Variants in TBX19 observed in about 807,000 individuals in gnomAD.
TBX19 encodes T-box transcription factor TBX19.
A neutral mutation model predicts 40.9 loss-of-function variants in TBX19; 33 were observed. The ratio of observed to expected loss-of-function variants is 0.81; its 90% confidence interval spans 0.61 to 1.08. The LOEUF (loss-of-function observed/expected upper bound fraction) is 1.08, where lower values mean the gene tolerates loss of function less well. Ranked by LOEUF, TBX19 falls within the 50% of genes least tolerant of loss-of-function variation. TBX19 has a pLI of 0.00. For missense variants in TBX19, 494 were observed against 574.0 expected, an observed-to-expected ratio of 0.86 and a Z score of 1.42; for synonymous variants, 220 against 225.0, an observed-to-expected ratio of 0.98 and a Z score of 0.20.
Position 168,312,780 on chromosome 1 carries a change from C to G in TBX19, c.1125C>G (p.Ala375=), listed in dbSNP as rs1375371212. The G allele has an allele frequency of 6.2e-7, 1 of 1,614,138 alleles. No homozygotes were observed. Residue 375 remains alanine, a synonymous_variant, in exon 8 of 8, where the codon GCC becomes GCG. Transcript: ENST00000367821. ...GTGGGCCAGGCCCGGAGGTGCACGC[C>G]AGCACCCCAGGAGCATTTCTCCTCG... ...GPSGPGPEVH[A]STPGAFLLGN...
Position 168,288,986 on chromosome 1 carries a change from C to T in TBX19, c.204-2174C>T, listed in dbSNP as rs903652744. ...ATGTTGCCCAGGCTGGACTTAAACT[C>T]CTTTGGTACTTTTTAACTTTAGTAT... On this transcript the variant is annotated intron_variant, in intron 1 of 7. Transcript: ENST00000367821. Among the ~76,000 whole-genome samples, 6 of 152,112 alleles carry T rather than the reference C, an allele frequency of 3.9e-5. No homozygotes were observed. In the East Asian group the frequency reaches 1.2e-3, roughly 29 times the overall value.
At chr1:168,291,487 A>G (rs76187324) in intron 2 of TBX19, 63 bp downstream of exon 2, 31,835 of 1,611,244 alleles carry the variant, frequency 0.02, 383 homozygotes, top group Middle Eastern at 0.032. Flanking sequence ...CAATCAAGAA[A>G]TATCAAGGGT....
Position 168,291,160 on chromosome 1 carries a change from A to T in TBX19, c.204A>T (p.Arg68Ser). The T allele has an allele frequency of 6.2e-7, 1 of 1,614,044 alleles. No homozygotes were observed. Among genetic ancestry groups the T allele is most frequent in the African/African-American group, 1.3e-5 (1 of 75,022 alleles). ...GCTAAGTTTCTGCCTTTCCTTTTAG[A>T]CGGATGTTTCCAGTCCTAAAGATTA... Reference protein sequence around the residue: ...TNEMIVTKNGRRMFPVLKISV... With the variant: ...TNEMIVTKNGSRMFPVLKISV... The change falls in exon 2 of 8, where the codon AGA becomes AGT. Residue 68 changes from arginine to serine, a missense_variant and splice_region_variant. Transcript: ENST00000367821.
chr1:168,285,667 C>G (rs1469656650), intron 1 of TBX19, among the ~76,000 whole-genome samples: 1 of 152,236 alleles, frequency 6.6e-6, no homozygotes, highest in East Asian at 1.9e-4. Flanking sequence ...GAGGCTTTCT[C>G]TCCAGGGTGG....
intron 1 of TBX19, among the ~76,000 whole-genome samples, chr1:168,284,875 A>G (rs1240023541): frequency 6.6e-6 from 1 of 152,062 alleles, no homozygotes; most frequent in African/African-American, 2.4e-5. Flanking sequence ...ATCATAAAAT[A>G]AGAGGTGGGA....
chr1:168,291,459 C>G (rs369885928), intron 2 of TBX19, 35 bp downstream of exon 2: 40 of 1,613,730 alleles, frequency 2.5e-5, no homozygotes, highest in South Asian at 8.8e-5. Context: ...GCCACCCGCT[C>G]CGGCCTCCCC....
Position 168,297,837 on chromosome 1 carries a change from C to G in TBX19, c.665+52C>G, listed in dbSNP as rs746443767. On this transcript the variant is annotated intron_variant, in intron 4 of 7. Coordinates refer to ENST00000367821, the MANE Select transcript of TBX19 (RefSeq NM_005149.3). ...TTCTAATGAATGATTTATGCAAATA[C>G]AAATGTGGAATTTATGATTATCTTG... The G allele has an allele frequency of 6.3e-6, 9 of 1,435,008 alleles. No individual in the cohort carries two copies. In the South Asian group the frequency reaches 1.0e-4, roughly 17 times the overall value. 88.9% of individuals were successfully genotyped at this position (1,435,008 alleles called of 1,614,324 possible). A position where few individuals can be genotyped will look rare whatever the true frequency, so the allele number is the denominator to read the frequency against.
At chr1:168,305,349 ATTG>A (rs1206879273) in intron 6 of TBX19, among the ~76,000 whole-genome samples, 153 bp downstream of exon 6, 3 of 152,134 alleles carry the variant, frequency 2.0e-5, no homozygotes, top group African/African-American at 7.2e-5. Flanking sequence ...GTTTTATTTT[ATTG>A]TTATTTTATG....
intron 1 of TBX19, among the ~76,000 whole-genome samples, chr1:168,284,705 G>A (rs149063667): frequency 2.7e-4 from 40 of 149,188 alleles, no homozygotes; most frequent in African/African-American, 1.0e-3. Context: ...ACCCTGGGGA[G>A]GTCAAGGTTG....
chr1:168,296,594 A>C (rs1558191999), intron 3 of TBX19, among the ~76,000 whole-genome samples: 1 of 152,164 alleles, frequency 6.6e-6, no homozygotes, highest in Admixed American at 6.5e-5. Flanking sequence ...ACCGTCCCAC[A>C]ACACGTGGGA....
intron 7 of TBX19, among the ~76,000 whole-genome samples, chr1:168,310,948 A>G (rs887083892): frequency 6.7e-6 from 1 of 149,810 alleles, no homozygotes; most frequent in African/African-American, 2.4e-5. Flanking sequence ...TTGAAATAAT[A>G]TTTTGAATAT....
At chr1:168,288,731 G>A (rs1027070085) in intron 1 of TBX19, among the ~76,000 whole-genome samples, 4 of 151,426 alleles carry the variant, frequency 2.6e-5, no homozygotes, top group African/African-American at 9.7e-5. Flanking sequence ...TTACTTTTAT[G>A]TGTACTATAT....
intron 5 of TBX19, among the ~76,000 whole-genome samples, chr1:168,303,024 T>C (rs1489725936): frequency 6.6e-6 from 1 of 152,202 alleles, no homozygotes; most frequent in Non-Finnish European, 1.5e-5. Flanking sequence ...TCAGATAGTA[T>C]TTCTTTTTAT....
intron 1 of TBX19, among the ~76,000 whole-genome samples, chr1:168,288,236 G>A (rs1012357886): frequency 6.6e-6 from 1 of 152,014 alleles, no homozygotes; most frequent in Non-Finnish European, 1.5e-5. Context: ...TTTACAATAC[G>A]TAATACAATG....
intron 1 of TBX19, among the ~76,000 whole-genome samples, chr1:168,287,896 TA>T (rs77467148): frequency 0.049 from 6,502 of 133,232 alleles, 368 homozygotes; most frequent in African/African-American, 0.15. Flanking sequence ...GAAAAGAGAG[TA>T]AAAAAAAAAA....
At chr1:168,286,153 G>C (rs554656884) in intron 1 of TBX19, among the ~76,000 whole-genome samples, 2 of 152,286 alleles carry the variant, frequency 1.3e-5, no homozygotes, top group Non-Finnish European at 2.9e-5. Flanking sequence ...AAAGAAAATA[G>C]AGCAATTAAT....
intron 1 of TBX19, among the ~76,000 whole-genome samples, chr1:168,286,171 C>T (rs1445837139): frequency 6.6e-6 from 1 of 152,216 alleles, no homozygotes; most frequent in Non-Finnish European, 1.5e-5. Context: ...AATCATTCTA[C>T]CATTTCCCAG....
chr1:168,304,991 C>A lies in TBX19; in HGVS notation c.728-17C>A. ...TTCACAGACTCAGTCTTGGTGTATT[C>A]CTCTTGTCTATTTTAGTGGGAGGCT... On this transcript the variant is annotated splice_polypyrimidine_tract_variant and intron_variant, in intron 5 of 7. Coordinates refer to ENST00000367821, the MANE Select transcript of TBX19 (RefSeq NM_005149.3). The A allele has an allele frequency of 6.2e-7, 1 of 1,613,374 alleles. No individual in the cohort carries two copies. Among genetic ancestry groups the A allele is most frequent in the Non-Finnish European group, 8.5e-7 (1 of 1,179,836 alleles).
chr1:168,295,019 G>A (rs572133379), intron 3 of TBX19, among the ~76,000 whole-genome samples: 2 of 152,216 alleles, frequency 1.3e-5, no homozygotes, highest in South Asian at 2.1e-4. Context: ...TTGGCCGGAC[G>A]TGGTGGCTCA....
Sources: gnomAD v4.1 joint callset for allele counts (sites outside exome capture counted in the v4.1 genomes callset) on GRCh38, gnomAD v4.1.1 for gene constraint, MANE v1.5 for transcripts, NCBI Gene and HGNC (gene_info 2026-07-23, HGNC 2026-07-21) for gene names.